The following COG6 variants were observed in gnomAD, a reference collection of about 807,000 sequenced individuals.
COG6 encodes component of oligomeric golgi complex 6.
In COG6, 74 loss-of-function variants were observed where a neutral mutation model predicts 88.8. The observed-to-expected ratio is 0.83, with a 90% confidence interval of 0.69 to 1.01. The LOEUF (loss-of-function observed/expected upper bound fraction) is 1.01, where lower values mean the gene tolerates loss of function less well. COG6 is among the 50% of genes least tolerant of loss of function. The pLI is 0.00. For missense variants in COG6, 800 were observed against 797.9 expected (o/e 1.00, Z -0.03); for synonymous variants, 286 against 278.7 (o/e 1.03, Z -0.26).
At chr13:39,788,582 G>T in exon 19 of COG6, 1 of 558,106 alleles carries the variant, frequency 1.8e-6, no homozygotes, top group Admixed American at 3.1e-5. Flanking sequence ...ATCATAATAC[G>T]CACACACACA....
rs1352567678 is a variant in COG6 at position 39,709,716 on chromosome 13, CAT to C, written c.1285-9515_1285-9514del. On this transcript the variant is annotated intron_variant, in intron 13 of 18. Transcript: ENST00000455146. The stretch of plus-strand genomic sequence containing the variant: ...GTGTGTGTATATGTGATATGTAACA[CAT>C]ATATGTGTGTGTCCACAAATATATA... Among the ~76,000 whole-genome samples the C allele has an allele frequency of 5.9e-5, 9 of 152,056 alleles. No individual in the cohort carries two copies. The South Asian group carries it at 6.2e-4, about 11-fold the overall frequency.
At chr13:39,769,097 G>A (rs1881245817) in intron 18 of COG6, among the ~76,000 whole-genome samples, 1 of 151,804 alleles carries the variant, frequency 6.6e-6, no homozygotes, top group Non-Finnish European at 1.5e-5. Flanking sequence ...ATAATCCACT[G>A]TGACAAGTTA....
chr13:39,689,885 TAGAAACTTA>T, intron 11 of COG6, 61 bp downstream of exon 11: 2 of 1,086,662 alleles, frequency 1.8e-6, no homozygotes, highest in Non-Finnish European at 2.8e-6. Flanking sequence ...ACCTTATTTA[TAGAAACTTA>T]AGAAACTGAT....
At chr13:39,689,671 T>G (rs751170462) in intron 10 of COG6, 89 bp from the exon 11 acceptor site, 28 of 779,876 alleles carry the variant, frequency 3.6e-5, no homozygotes, top group Non-Finnish European at 6.2e-5. Context: ...TAATTATATG[T>G]ATTATATATT....
At chr13:39,783,029 ATATAT>A (rs1355274158) in intron 18 of COG6, among the ~76,000 whole-genome samples, 5 of 152,326 alleles carry the variant, frequency 3.3e-5, no homozygotes, top group African/African-American at 4.8e-5. Flanking sequence ...TTTTCTATAC[ATATAT>A]TATAGTTCAG....
At position 39,723,353 on chromosome 13, in the gene COG6, A is replaced by G. The variant is rs1878952956; in HGVS notation, c.1605A>G (p.Thr535=). 5.6e-6 allele frequency: 9 copies of G among 1,608,476 alleles called. No individual in the cohort carries two copies. In the Admixed American group the frequency reaches 1.0e-4, roughly 18 times the overall value. ...TTTAGATCGAAGCACATTTGGACACACTTATAAATGAGCAAGCCTCTTATG... is the reference window on the plus strand; with the variant it reads ...TTTAGATCGAAGCACATTTGGACACGCTTATAAATGAGCAAGCCTCTTATG... ...LQFQIEAHLD[T]LINEQASYVL... is the part of the protein sequence containing the mutation. Residue 535 remains threonine (T), a synonymous_variant, in exon 16 of 19, where the codon ACA becomes ACG. Coordinates refer to ENST00000455146, the MANE Select transcript of COG6 (RefSeq NM_020751.3).
At chr13:39,704,523 G>T (rs1877775192) in intron 13 of COG6, among the ~76,000 whole-genome samples, 1 of 152,120 alleles carries the variant, frequency 6.6e-6, no homozygotes, top group Non-Finnish European at 1.5e-5. Flanking sequence ...TATCCTCATT[G>T]TCTTCACATT....
At chr13:39,752,692 A>T (rs1212717088), downstream of COG6, 1 of 1,159,862 alleles carries the variant, frequency 8.6e-7, no homozygotes, top group East Asian at 6.2e-5. Flanking sequence ...TTTTTAGAAA[A>T]TGCACTAATG....
At chr13:39,750,511 C>A (rs1360373812) in intron 18 of COG6, among the ~76,000 whole-genome samples, 3 of 152,142 alleles carry the variant, frequency 2.0e-5, no homozygotes, top group African/African-American at 7.2e-5. Flanking sequence ...GGTGAAAGAG[C>A]AGTTTACTTT....
At chr13:39,787,509 A>G (rs927218192) in intron 18 of COG6, among the ~76,000 whole-genome samples, 3 of 152,164 alleles carry the variant, frequency 2.0e-5, no homozygotes, top group Non-Finnish European at 4.4e-5. Flanking sequence ...AGTTACTAAG[A>G]GGCATAGTGA....
intron 18 of COG6, among the ~76,000 whole-genome samples, chr13:39,733,981 A>C (rs982621839): frequency 6.6e-6 from 1 of 151,862 alleles, no homozygotes; most frequent in Non-Finnish European, 1.5e-5. Context: ...CTCCTTTTTC[A>C]TCTCTGATTT....
At chr13:39,723,603 T>C (rs1014825688) in intron 16 of COG6, among the ~76,000 whole-genome samples, 163 bp downstream of exon 16, 1 of 152,054 alleles carries the variant, frequency 6.6e-6, no homozygotes, top group African/African-American at 2.4e-5. Context: ...GGATTGGGGG[T>C]AATAATAGTA....
In COG6 at chr13:39,770,831, C is replaced by A. The variant is rs76310860; in HGVS notation, c.1827-17504C>A. Among the ~76,000 whole-genome samples, 139 of 152,332 alleles carry A rather than the reference C, an allele frequency of 9.1e-4. 2 individuals are homozygous for A. The East Asian group carries it at 0.024, about 26-fold the overall frequency. On this transcript the variant is annotated intron_variant, in intron 18 of 18. Transcript: ENST00000416691. ...ATTTCTCCCAATCAAGTTTTAATTACTGAAAAGTTTAGTAACAGCTGAAGC... is the reference window on the plus strand; with the variant it reads ...ATTTCTCCCAATCAAGTTTTAATTAATGAAAAGTTTAGTAACAGCTGAAGC...
intron 4 of COG6, 82 bp from the exon 5 acceptor site, chr13:39,677,386 T>G: frequency 1.3e-6 from 1 of 794,836 alleles, no homozygotes; most frequent in Non-Finnish European, 2.2e-6. Flanking sequence ...TAAAAATTTA[T>G]TATGTCTGAG....
intron 18 of COG6, among the ~76,000 whole-genome samples, chr13:39,747,935 A>G (rs1880426649): frequency 6.6e-6 from 1 of 152,212 alleles, no homozygotes. Flanking sequence ...TAAAAATCAT[A>G]TTCAATATTT....
At chr13:39,717,793 C>T (rs1039955593) in intron 13 of COG6, among the ~76,000 whole-genome samples, 1 of 152,054 alleles carries the variant, frequency 6.6e-6, no homozygotes, top group Non-Finnish European at 1.5e-5. Flanking sequence ...ATCACTCGAG[C>T]ATGCAGTGAG....
At chr13:39,779,320 A>G (rs1373264608) in intron 18 of COG6, among the ~76,000 whole-genome samples, 1 of 152,222 alleles carries the variant, frequency 6.6e-6, no homozygotes, top group Non-Finnish European at 1.5e-5. Flanking sequence ...GCTAATCCAG[A>G]GACAAGAACA....
chr13:39,753,073 G>A (rs1013079487), downstream of COG6, among the ~76,000 whole-genome samples: 1 of 152,202 alleles, frequency 6.6e-6, no homozygotes, highest in African/African-American at 2.4e-5. Context: ...CATGATTACA[G>A]TGTTCAAATG....
chr13:39,661,198 A>G lies in COG6; in HGVS notation c.369+317A>G, dbSNP rs149941049. Among the ~76,000 whole-genome samples, 287 of 152,300 alleles carry G rather than the reference A, an allele frequency of 1.9e-3. 2 individuals are homozygous for G. The highest frequency in any genetic ancestry group is 6.6e-3 in the African/African-American group (276 of 41,574). On this transcript the variant is annotated intron_variant, in intron 3 of 18. Coordinates refer to ENST00000455146, the MANE Select transcript of COG6 (RefSeq NM_020751.3). ...ATGATTTTTTTTAGTAAGAAGCCTT[A>G]GGAATAATTTCACACTAAAGCTGTG...
Sources: gnomAD v4.1 joint callset for allele counts (sites outside exome capture counted in the v4.1 genomes callset) on GRCh38, gnomAD v4.1.1 for gene constraint, MANE v1.5 for transcripts, NCBI Gene and HGNC (gene_info 2026-07-23, HGNC 2026-07-21) for gene names.